MCTP1: variants seen among roughly 807,000 people sequenced by gnomAD.
MCTP1 encodes the protein multiple C2 and transmembrane domain-containing protein 1.
In MCTP1, 69 loss-of-function variants were observed where a neutral mutation model predicts 120.6. The observed-to-expected ratio is 0.57, with a 90% CI of 0.47 to 0.70. The LOEUF (loss-of-function observed/expected upper bound fraction) is 0.70. Among genes scored for constraint, MCTP1 ranks in the 30% least tolerant of loss-of-function variants. The pLI is 0.00. For synonymous variants in MCTP1, 529 were observed against 493.1 expected (o/e 1.07, Z -0.96); for missense variants, 1,203 against 1,248.8 (o/e 0.96, Z 0.55).
At chr5:94,874,728 T>C (rs1029601474) in intron 12 of MCTP1, among the ~76,000 whole-genome samples, 1 of 152,150 alleles carries the variant, frequency 6.6e-6, no homozygotes, top group Non-Finnish European at 1.5e-5. Context: ...GAAGATAGTG[T>C]TCAAAAAAGA....
intron 2 of MCTP1, among the ~76,000 whole-genome samples, chr5:94,971,068 G>A (rs549002114): frequency 2.6e-5 from 4 of 152,148 alleles, no homozygotes; most frequent in Non-Finnish European, 5.9e-5. Context: ...AGAGTTAGTT[G>A]TGTCTATTGT....
chr5:94,972,180 C>G (rs115988993), intron 2 of MCTP1, among the ~76,000 whole-genome samples: 1,813 of 152,248 alleles, frequency 0.012, 25 homozygotes, highest in South Asian at 0.036. Flanking sequence ...TCTGCACCCA[C>G]AAGCACTGCT....
intron 9 of MCTP1, among the ~76,000 whole-genome samples, chr5:94,910,776 G>C (rs1052938753): frequency 7.1e-6 from 1 of 140,438 alleles, no homozygotes; most frequent in African/African-American, 2.9e-5. Context: ...CCTATTTTTG[G>C]AATCAGTAGC....
intron 1 of MCTP1, among the ~76,000 whole-genome samples, chr5:95,210,554 G>C (rs1456431669): frequency 1.4e-5 from 2 of 145,780 alleles, no homozygotes; most frequent in Non-Finnish European, 3.0e-5. Context: ...CTTTTATTTT[G>C]AGCCTATGTG....
At chr5:94,708,361 T>C in intron 22 of MCTP1, 151 bp downstream of exon 22, 1 of 527,876 alleles carries the variant, frequency 1.9e-6, no homozygotes, top group South Asian at 2.8e-5. Flanking sequence ...CCAGGTGGGC[T>C]AAATTTCTGA....
chr5:95,137,885 G>A (rs990666259), intron 1 of MCTP1, among the ~76,000 whole-genome samples: 5 of 151,964 alleles, frequency 3.3e-5, no homozygotes, highest in Non-Finnish European at 2.9e-5. Flanking sequence ...TTGATGATTT[G>A]CAAGCAACAT....
chr5:95,214,679 G>A (rs1752829009), intron 1 of MCTP1, among the ~76,000 whole-genome samples: 1 of 152,138 alleles, frequency 6.6e-6, no homozygotes, highest in Non-Finnish European at 1.5e-5. Flanking sequence ...GGAATACTAT[G>A]CAGCCATAGA....
At chr5:94,799,367 T>C (rs980663313) in intron 17 of MCTP1, among the ~76,000 whole-genome samples, 1 of 152,088 alleles carries the variant, frequency 6.6e-6, no homozygotes, top group Admixed American at 6.5e-5. Context: ...AAAGTTGATA[T>C]CATTACGTTG....
In MCTP1 at chr5:94,773,934, C is replaced by T. The variant is rs1159654576; in HGVS notation, c.2610+5176G>A. ...ATCATATTAGATGAAATAGGCCGGG[C>T]GCGGTGGCTCACGCCTGTAATCCCA... On this transcript the variant is annotated intron_variant, in intron 19 of 22. Transcript: ENST00000515393. Among the ~76,000 whole-genome samples, 15 of 111,040 alleles carry T rather than the reference C, an allele frequency of 1.4e-4. 6 individuals carry two copies. Among genetic ancestry groups the T allele is most frequent in the Non-Finnish European group, 2.8e-4 (15 of 54,094 alleles). The allele number at this position is 111,040 out of a possible 152,430, so 72.8% of individuals were successfully genotyped here. A position where few individuals can be genotyped will look rare whatever the true frequency, so the allele number is the denominator to read the frequency against.
At chr5:95,064,597 G>A (rs990249858) in intron 1 of MCTP1, among the ~76,000 whole-genome samples, 3 of 152,156 alleles carry the variant, frequency 2.0e-5, no homozygotes, top group African/African-American at 7.2e-5. Flanking sequence ...ATAGTATTTT[G>A]GATGAGTTCT....
intron 17 of MCTP1, among the ~76,000 whole-genome samples, chr5:94,847,895 C>T (rs974639739): frequency 6.6e-6 from 1 of 151,972 alleles, no homozygotes; most frequent in African/African-American, 2.4e-5. Flanking sequence ...AACCCACCTG[C>T]TCAAGCACCT....
At chr5:95,061,590 T>C (rs1749234600) in intron 1 of MCTP1, among the ~76,000 whole-genome samples, 2 of 150,540 alleles carry the variant, frequency 1.3e-5, no homozygotes, top group African/African-American at 2.4e-5. Context: ...CGCCCGCCAC[T>C]ACGCCCGGCT....
intron 18 of MCTP1, among the ~76,000 whole-genome samples, chr5:94,791,595 A>ATGT (rs1482526717): frequency 6.6e-6 from 1 of 152,238 alleles, no homozygotes; most frequent in Non-Finnish European, 1.5e-5. Flanking sequence ...ATTTCCAGAT[A>ATGT]TGTTGCAGAA....
At position 95,284,797 on chromosome 5, in the gene MCTP1, G is replaced by A. The variant is rs1760623065; in HGVS notation, c.-222C>T. ...GAGGCTCTCTGGCCTCGGGACTCCGGCGCTGCCTCTTCCTCCCGCACCTGC... is the reference window on the plus strand; with the variant it reads ...GAGGCTCTCTGGCCTCGGGACTCCGACGCTGCCTCTTCCTCCCGCACCTGC... On this transcript the variant is annotated 5_prime_UTR_variant, in exon 1 of 23. Transcript: ENST00000515393. The surrounding 1 kb of genome is among the most constrained non-coding windows in gnomAD (Gnocchi z 5.2). Among the ~76,000 whole-genome samples, 1 of 152,052 alleles carries A rather than the reference G, an allele frequency of 6.6e-6. No homozygotes were observed. Among genetic ancestry groups the A allele is most frequent in the Non-Finnish European group, 1.5e-5 (1 of 67,980 alleles).
At chr5:94,722,169 C>A (rs1186832859) in intron 19 of MCTP1, among the ~76,000 whole-genome samples, 1 of 152,064 alleles carries the variant, frequency 6.6e-6, no homozygotes, top group Non-Finnish European at 1.5e-5. Context: ...AATCTAAAGA[C>A]CTAAATAATC....
intron 17 of MCTP1, among the ~76,000 whole-genome samples, chr5:94,840,174 T>G (rs1186811333): frequency 6.6e-6 from 1 of 151,048 alleles, no homozygotes; most frequent in Non-Finnish European, 1.5e-5. Flanking sequence ...TCAGTGTAGC[T>G]GGAAAAAAAA....
At chr5:95,139,816 C>T (rs1419987064) in intron 1 of MCTP1, among the ~76,000 whole-genome samples, 5 of 152,102 alleles carry the variant, frequency 3.3e-5, no homozygotes, top group Admixed American at 6.5e-5. Context: ...ATTATCTAGC[C>T]CACAGCCTGA....
At chr5:95,033,171 A>T (rs1304981212) in intron 1 of MCTP1, among the ~76,000 whole-genome samples, 14 of 152,070 alleles carry the variant, frequency 9.2e-5, no homozygotes, top group Non-Finnish European at 2.1e-4. Context: ...TACCAGTTTT[A>T]CTAAAACTAT....
intron 2 of MCTP1, among the ~76,000 whole-genome samples, chr5:94,993,585 CT>C (rs1832032526): frequency 6.6e-6 from 1 of 152,130 alleles, no homozygotes; most frequent in African/African-American, 2.4e-5. Flanking sequence ...GGATGAGGGG[CT>C]GCTGTGCAAC....
Sources: allele counts gnomAD v4.1 joint callset (sites outside exome capture counted in the v4.1 genomes callset), GRCh38; gene constraint gnomAD v4.1.1; non-coding constraint Gnocchi (gnomAD v3.1); transcripts MANE v1.5; gene names NCBI Gene and HGNC (gene_info 2026-07-23, HGNC 2026-07-21).